GRM8: variants seen among roughly 807,000 people sequenced by gnomAD.
The protein encoded by GRM8 is metabotropic glutamate receptor 8.
In GRM8, 47 loss-of-function variants were observed where a neutral mutation model predicts 87.2. The ratio of observed to expected loss-of-function variants is 0.54; its 90% CI spans 0.43 to 0.69. GRM8 has a LOEUF of 0.69. Ranked by LOEUF, GRM8 falls within the 30% of genes least tolerant of loss-of-function variation. The pLI is 0.00. For synonymous variants in GRM8, 396 were observed against 404.5 expected, an observed-to-expected ratio of 0.98 and a Z score of 0.25; for missense variants, 1,019 against 1,139.2, an observed-to-expected ratio of 0.89 and a Z score of 1.52.
intron 7 of GRM8, among the ~76,000 whole-genome samples, chr7:126,689,393 G>A (rs983115786): frequency 2.6e-5 from 4 of 152,184 alleles, no homozygotes; most frequent in Admixed American, 6.5e-5. Flanking sequence ...TATTGTGAAG[G>A]CTGAGCAAGA....
intron 6 of GRM8, among the ~76,000 whole-genome samples, chr7:126,889,007 A>C (rs1010771121): frequency 1.3e-5 from 2 of 152,060 alleles, no homozygotes; most frequent in African/African-American, 4.8e-5. Flanking sequence ...CAGAATACTA[A>C]CTCCTCTACC....
intron 6 of GRM8, among the ~76,000 whole-genome samples, chr7:126,856,035 A>T (rs1797648542): frequency 6.6e-6 from 1 of 152,194 alleles, no homozygotes; most frequent in South Asian, 2.1e-4. Flanking sequence ...TTCAATGATT[A>T]AGAAGCATGA....
chr7:126,937,117 A>G (rs1346165920), intron 3 of GRM8, among the ~76,000 whole-genome samples: 1 of 152,182 alleles, frequency 6.6e-6, no homozygotes, highest in Non-Finnish European at 1.5e-5. Flanking sequence ...TGTTGCTCAG[A>G]GCATCCTTCA....
intron 3 of GRM8, among the ~76,000 whole-genome samples, chr7:126,966,082 T>C (rs1251895746): frequency 6.6e-6 from 1 of 152,136 alleles, no homozygotes. Flanking sequence ...TCCATAAGAA[T>C]ATAAGAAATG....
chr7:126,477,510 TTTTA>T (rs1429435449), intron 9 of GRM8, among the ~76,000 whole-genome samples: 2 of 151,486 alleles, frequency 1.3e-5, no homozygotes, highest in African/African-American at 4.9e-5. Context: ...TATATATACT[TTTTA>T]TTTGTCAATT....
chr7:126,901,606 C>A (rs1347525327), intron 6 of GRM8, among the ~76,000 whole-genome samples: 2 of 152,050 alleles, frequency 1.3e-5, no homozygotes, highest in Non-Finnish European at 1.5e-5. Flanking sequence ...TATATTACAT[C>A]TTTTATTTGA....
chr7:126,844,929 C>T (rs1167326103), intron 6 of GRM8, among the ~76,000 whole-genome samples: 1 of 152,180 alleles, frequency 6.6e-6, no homozygotes, highest in Non-Finnish European at 1.5e-5. Flanking sequence ...AACATATGAA[C>T]TTATTTGTGA....
chr7:127,233,326 T>G (rs1055498033), intron 2 of GRM8, among the ~76,000 whole-genome samples: 1 of 152,158 alleles, frequency 6.6e-6, no homozygotes, highest in Admixed American at 6.6e-5. Context: ...GTTAAAATAA[T>G]CTATAATTTG....
chr7:126,710,319 T>A (rs1810976164), intron 7 of GRM8, among the ~76,000 whole-genome samples: 1 of 152,158 alleles, frequency 6.6e-6, no homozygotes, highest in African/African-American at 2.4e-5. Context: ...GATTGACATA[T>A]CCTTTTATGA....
chr7:126,701,398 A>G (rs1286412616), intron 7 of GRM8, among the ~76,000 whole-genome samples: 1 of 152,182 alleles, frequency 6.6e-6, no homozygotes, highest in African/African-American at 2.4e-5. Flanking sequence ...TGTACCAAAT[A>G]TAGAAGAGGG....
chr7:127,111,537 G>A (rs767498232), intron 2 of GRM8, among the ~76,000 whole-genome samples: 9 of 152,024 alleles, frequency 5.9e-5, no homozygotes, highest in Non-Finnish European at 1.0e-4. Flanking sequence ...TTGCTGGCTA[G>A]AATTTGGACA....
chr7:126,672,349 C>G (rs1056896903), intron 7 of GRM8, among the ~76,000 whole-genome samples: 9 of 152,178 alleles, frequency 5.9e-5, no homozygotes, highest in African/African-American at 2.2e-4. Context: ...CTGTGGGTAT[C>G]TGCTAGGAAA....
intron 7 of GRM8, among the ~76,000 whole-genome samples, chr7:126,654,593 A>G (rs1194384811): frequency 1.3e-5 from 2 of 152,238 alleles, no homozygotes; most frequent in Non-Finnish European, 2.9e-5. Context: ...ATTAAATCTA[A>G]AATGAAGGCA....
At chr7:126,450,536 T>G (rs1431016646) in intron 9 of GRM8, among the ~76,000 whole-genome samples, 1 of 151,908 alleles carries the variant, frequency 6.6e-6, no homozygotes, top group African/African-American at 2.4e-5. Context: ...TCTGCGTGTC[T>G]GCCAAAGTGA....
intron 9 of GRM8, among the ~76,000 whole-genome samples, chr7:126,472,460 CA>C (rs1465675190): frequency 6.6e-6 from 1 of 152,100 alleles, no homozygotes; most frequent in Non-Finnish European, 1.5e-5. Context: ...GCAAGGCATT[CA>C]AGATGTGACT....
intron 7 of GRM8, among the ~76,000 whole-genome samples, 187 bp from the exon 8 acceptor site, chr7:126,609,685 C>G (rs1007106479): frequency 1.3e-5 from 2 of 152,158 alleles, no homozygotes; most frequent in East Asian, 3.8e-4. Flanking sequence ...CCCAGACATA[C>G]ACACACGAGT....
intron 7 of GRM8, among the ~76,000 whole-genome samples, chr7:126,746,191 A>G (rs1209487465): frequency 6.6e-6 from 1 of 151,828 alleles, no homozygotes; most frequent in Non-Finnish European, 1.5e-5. Flanking sequence ...TTTCCTGTGA[A>G]TTAGACAAAA....
intron 3 of GRM8, among the ~76,000 whole-genome samples, chr7:127,001,201 A>G (rs1402236254): frequency 6.6e-6 from 1 of 151,724 alleles, no homozygotes; most frequent in African/African-American, 2.4e-5. Flanking sequence ...GAACATCAAG[A>G]TATGCATATG....
chr7:126,666,661 T>C (rs1015836070), intron 7 of GRM8, among the ~76,000 whole-genome samples: 1 of 151,208 alleles, frequency 6.6e-6, no homozygotes, highest in Admixed American at 6.6e-5. Context: ...AAAAAAATAA[T>C]AGGAGAGTAA....
Sources: gnomAD v4.1 joint callset for allele counts (sites outside exome capture counted in the v4.1 genomes callset) on GRCh38, gnomAD v4.1.1 for gene constraint, MANE v1.5 for transcripts, NCBI Gene and HGNC (gene_info 2026-07-23, HGNC 2026-07-21) for gene names.